The following LRRTM4 variants were observed in gnomAD, a reference collection of about 807,000 sequenced individuals.
LRRTM4 encodes leucine rich repeat transmembrane neuronal 4.
LRRTM4 carries 25 observed loss-of-function variants against 47.6 expected under a neutral mutation model. The ratio of observed to expected loss-of-function variants is 0.53; its 90% confidence interval spans 0.38 to 0.73. The LOEUF is 0.73. Ranked by LOEUF, LRRTM4 falls within the 30% of genes least tolerant of loss-of-function variation. The probability of loss-of-function intolerance (pLI) is 0.00; values close to 1 mark genes in which losing one functional copy is unlikely to be tolerated. For synonymous variants in LRRTM4, 311 were observed against 269.5 expected (o/e 1.15, Z -1.51); for missense variants, 638 against 713.4 (o/e 0.89, Z 1.20).
intron 3 of LRRTM4, among the ~76,000 whole-genome samples, chr2:76,909,050 A>G (rs1673954195): frequency 6.6e-6 from 1 of 152,152 alleles, no homozygotes; most frequent in Non-Finnish European, 1.5e-5. Flanking sequence ...ATCCTAAGCC[A>G]AAAGAACAAA....
intron 3 of LRRTM4, among the ~76,000 whole-genome samples, chr2:77,371,425 C>A (rs533320348): frequency 6.6e-6 from 1 of 151,766 alleles, no homozygotes; most frequent in East Asian, 1.9e-4. Flanking sequence ...TCAGAACTGT[C>A]CCCTTTCCTC....
chr2:77,197,037 G>T (rs1206236150), intron 3 of LRRTM4, among the ~76,000 whole-genome samples: 1 of 151,904 alleles, frequency 6.6e-6, no homozygotes, highest in Non-Finnish European at 1.5e-5. Context: ...AGGAAAGTAG[G>T]TGTTTTTTTC....
chr2:76,995,073 T>A (rs762464092), intron 3 of LRRTM4, among the ~76,000 whole-genome samples: 1 of 151,978 alleles, frequency 6.6e-6, no homozygotes, highest in South Asian at 2.1e-4. Flanking sequence ...TAGGAGAAAT[T>A]TGACTCAGGA....
At chr2:77,299,922 GC>G (rs1196761464) in intron 3 of LRRTM4, among the ~76,000 whole-genome samples, 2 of 149,322 alleles carry the variant, frequency 1.3e-5, no homozygotes, top group East Asian at 3.9e-4. Flanking sequence ...CGCAATCTCG[GC>G]TCACTGCAAC....
intron 3 of LRRTM4, among the ~76,000 whole-genome samples, chr2:76,952,495 T>A (rs1454813510): frequency 2.0e-5 from 3 of 151,888 alleles, no homozygotes; most frequent in African/African-American, 4.8e-5. Context: ...TAAGATACCA[T>A]CTCACACCAG....
At chr2:76,845,024 A>G (rs1346474793) in intron 3 of LRRTM4, among the ~76,000 whole-genome samples, 1 of 152,170 alleles carries the variant, frequency 6.6e-6, no homozygotes, top group East Asian at 1.9e-4. Context: ...CCCTGCCACA[A>G]AAACCTAAAG....
At chr2:76,879,900 G>A (rs949123319) in intron 3 of LRRTM4, among the ~76,000 whole-genome samples, 1 of 152,210 alleles carries the variant, frequency 6.6e-6, no homozygotes, top group Admixed American at 6.5e-5. Flanking sequence ...TTCAGTGGAG[G>A]AAGTAATTGC....
At chr2:77,390,127 A>C (rs1673442113) in intron 3 of LRRTM4, among the ~76,000 whole-genome samples, 1 of 152,094 alleles carries the variant, frequency 6.6e-6, no homozygotes, top group Admixed American at 6.6e-5. Context: ...ATCTACTTTC[A>C]TATTAACACT....
At chr2:77,057,281 A>G (rs1679640438) in intron 3 of LRRTM4, among the ~76,000 whole-genome samples, 1 of 152,206 alleles carries the variant, frequency 6.6e-6, no homozygotes, top group Non-Finnish European at 1.5e-5. Flanking sequence ...TAATTGTGAT[A>G]AGTTACCATA....
intron 3 of LRRTM4, among the ~76,000 whole-genome samples, chr2:76,812,806 T>TCTCCCTCCCCCTCCTCCTCTC (rs1180792014): frequency 1.1e-5 from 1 of 92,268 alleles, no homozygotes; most frequent in African/African-American, 4.1e-5. Flanking sequence ...CCCCTCCTCC[T>TCTCCCTCCCCCTCCTCCTCTC]CCTTATTCTT....
intron 3 of LRRTM4, among the ~76,000 whole-genome samples, chr2:77,267,946 AT>A (rs953746928): frequency 6.6e-6 from 1 of 151,980 alleles, no homozygotes; most frequent in African/African-American, 2.4e-5. Context: ...GCATTATAAC[AT>A]TTTTTTCCTT....
chr2:76,928,347 T>C (rs1674656008), intron 3 of LRRTM4, among the ~76,000 whole-genome samples: 1 of 152,136 alleles, frequency 6.6e-6, no homozygotes, highest in Admixed American at 6.6e-5. Flanking sequence ...CAAAAGCCAT[T>C]CCAAAGTGTT....
In LRRTM4 at chr2:76,953,649, T is replaced by C. The variant is rs147899353; in HGVS notation, c.1552-204733A>G. On this transcript the variant is annotated intron_variant, in intron 3 of 3. Coordinates refer to ENST00000409884, the MANE Select transcript of LRRTM4 (RefSeq NM_001134745.3). ...GATCAAAAGAGAGTTCAGCAGCTTA[T>C]TGAAGCCCTGGACTACACATCATAC... is the stretch of plus-strand genomic sequence containing the variant. 2.5e-3 allele frequency among the ~76,000 whole-genome samples: 384 copies of C among 151,890 alleles called. 2 individuals carry two copies. Among genetic ancestry groups the C allele is most frequent in the Middle Eastern group, 0.01 (3 of 294 alleles).
At chr2:77,234,892 C>A (rs1675062496) in intron 3 of LRRTM4, among the ~76,000 whole-genome samples, 1 of 152,014 alleles carries the variant, frequency 6.6e-6, no homozygotes, top group Non-Finnish European at 1.5e-5. Flanking sequence ...TACCTCTTAC[C>A]CTCCCTCCCC....
chr2:77,140,598 T>A (rs879812218), intron 3 of LRRTM4, among the ~76,000 whole-genome samples: 25 of 152,108 alleles, frequency 1.6e-4, no homozygotes, highest in Non-Finnish European at 3.1e-4. Flanking sequence ...CCAAAAGCAA[T>A]GGCAACAAAA....
At chr2:77,059,476 G>A (rs1039798853) in intron 3 of LRRTM4, among the ~76,000 whole-genome samples, 4 of 151,980 alleles carry the variant, frequency 2.6e-5, no homozygotes, top group Non-Finnish European at 4.4e-5. Context: ...ACACAAGCTC[G>A]TTGAGTGTGG....
At chr2:77,082,485 T>A (rs1053534577) in intron 3 of LRRTM4, among the ~76,000 whole-genome samples, 1 of 152,108 alleles carries the variant, frequency 6.6e-6, no homozygotes, top group South Asian at 2.1e-4. Context: ...ACTTCTGCTG[T>A]TGAGGACAAA....
At chr2:77,216,287 T>C (rs1674437526) in intron 3 of LRRTM4, among the ~76,000 whole-genome samples, 1 of 151,928 alleles carries the variant, frequency 6.6e-6, no homozygotes, top group Admixed American at 6.6e-5. Flanking sequence ...AATAAATGAG[T>C]GTTCATAATT....
chr2:76,801,135 C>G (rs1242305704), intron 3 of LRRTM4, among the ~76,000 whole-genome samples: 1 of 152,026 alleles, frequency 6.6e-6, no homozygotes, highest in Non-Finnish European at 1.5e-5. Context: ...ACTGGAAATA[C>G]CATTTGACCC....
Sources: gnomAD v4.1 joint callset for allele counts (sites outside exome capture counted in the v4.1 genomes callset) on GRCh38, gnomAD v4.1.1 for gene constraint, MANE v1.5 for transcripts, NCBI Gene and HGNC (gene_info 2026-07-23, HGNC 2026-07-21) for gene names.